The following MAST2 variants were observed in gnomAD, a reference collection of about 807,000 sequenced individuals.
MAST2 encodes microtubule-associated serine/threonine-protein kinase 2.
MAST2 carries 70 observed loss-of-function variants against 147.4 expected under a neutral mutation model. The ratio of observed to expected loss-of-function variants is 0.47; its 90% CI spans 0.39 to 0.58. The LOEUF (loss-of-function observed/expected upper bound fraction) is 0.58. MAST2 is among the 20% of genes least tolerant of loss of function. The pLI, the probability that MAST2 is intolerant of heterozygous loss-of-function variation, is 0.00. For missense variants in MAST2, 2,080 were observed against 2,302.3 expected (o/e 0.90, Z 1.98); for synonymous variants, 869 against 896.8 (o/e 0.97, Z 0.55).
chr1:45,823,629 C>T (rs775676380), intron 1 of MAST2, among the ~76,000 whole-genome samples: 3 of 152,102 alleles, frequency 2.0e-5, no homozygotes, highest in South Asian at 2.1e-4. Flanking sequence ...CTACTGTACC[C>T]GGCCCAGTTA....
At chr1:45,814,113 C>T (rs907812802) in intron 1 of MAST2, among the ~76,000 whole-genome samples, 1 of 152,128 alleles carries the variant, frequency 6.6e-6, no homozygotes, top group Non-Finnish European at 1.5e-5. Context: ...AGTGCATGCA[C>T]AGCACATAAT....
chr1:45,974,639 A>G (rs1177729980), intron 5 of MAST2, among the ~76,000 whole-genome samples: 1 of 152,178 alleles, frequency 6.6e-6, no homozygotes, highest in Non-Finnish European at 1.5e-5. Context: ...AAGTGAGGTG[A>G]TTAGCTGAGC....
chr1:46,023,825 A>T lies in MAST2; in HGVS notation c.1625A>T (p.Lys542Met). ...ACCCGGCAGCGCTTTGCCATGAAGA[A>T]GATCAACAAGCAGAACCTGATCCTA... The part of the protein sequence containing the change: ...KSTRQRFAMK[K>M]INKQNLILRN... Residue 542 changes from lysine (K) to methionine (M), a missense_variant, in exon 15 of 29, where the codon AAG becomes ATG. This residue lies in a region of MAST2 where 569 missense variants were observed against 642.5 expected (regional missense o/e 0.89). Coordinates refer to ENST00000361297, the MANE Select transcript of MAST2 (RefSeq NM_015112.3). This position sits in a 1 kb window ranked among gnomAD's most constrained non-coding sequence, Gnocchi z 4.9. 2 of 1,614,110 alleles carry T rather than the reference A, an allele frequency of 1.2e-6. No individual in the cohort carries two copies. Among genetic ancestry groups the T allele is most frequent in the South Asian group, 2.2e-5 (2 of 91,084 alleles).
intron 10 of MAST2, among the ~76,000 whole-genome samples, chr1:46,017,022 A>G (rs1009980537): frequency 1.3e-5 from 2 of 152,014 alleles, no homozygotes; most frequent in Non-Finnish European, 2.9e-5. Flanking sequence ...ATAACGCTGC[A>G]TATCTACAAC....
chr1:45,855,342 T>TC (rs397708195), intron 3 of MAST2, among the ~76,000 whole-genome samples: 1 of 151,828 alleles, frequency 6.6e-6, no homozygotes, highest in Non-Finnish European at 1.5e-5. Flanking sequence ...GCTTTTTTTT[T>TC]CTATTTGATT....
rs181730181 is a variant in MAST2 at position 45,875,211 on chromosome 1, C to T, written c.469-7153C>T. On this transcript the variant is annotated intron_variant, in intron 3 of 28. Coordinates refer to ENST00000361297, the MANE Select transcript of MAST2 (RefSeq NM_015112.3). ...CTGTAATCCCAGCACTTTGGGCGAC[C>T]GAGGTAGGTGGATCACCTGGGGTCA... Among the ~76,000 whole-genome samples, 538 of 152,226 alleles carry T rather than the reference C, an allele frequency of 3.5e-3. 2 individuals carry two copies. The highest frequency in any genetic ancestry group is 0.012 in the African/African-American group (480 of 41,548).
chr1:45,984,037 C>G (rs932315595), intron 5 of MAST2, among the ~76,000 whole-genome samples: 1 of 152,120 alleles, frequency 6.6e-6, no homozygotes. Flanking sequence ...GCTGGTAAGT[C>G]TATCATTTGA....
At chr1:45,912,018 G>C (rs895381469) in intron 4 of MAST2, among the ~76,000 whole-genome samples, 5 of 151,898 alleles carry the variant, frequency 3.3e-5, no homozygotes, top group African/African-American at 1.2e-4. Flanking sequence ...GGGGCTTTTG[G>C]CAACTGACCC....
At chr1:45,894,305 A>G (rs967846070) in intron 4 of MAST2, among the ~76,000 whole-genome samples, 35 of 152,160 alleles carry the variant, frequency 2.3e-4, no homozygotes, top group African/African-American at 8.0e-4. Context: ...TCTTCAAATA[A>G]TCGTTAGTGG....
At chr1:45,805,684 C>T (rs776540353) in intron 1 of MAST2, among the ~76,000 whole-genome samples, 5 of 152,132 alleles carry the variant, frequency 3.3e-5, no homozygotes, top group Admixed American at 6.5e-5. Flanking sequence ...TGTGTTTTCT[C>T]ATCCTTAGCT....
chr1:45,849,529 TC>T (rs1645553830), intron 3 of MAST2, among the ~76,000 whole-genome samples: 3 of 39,414 alleles, frequency 7.6e-5, no homozygotes, highest in African/African-American at 1.6e-4. Context: ...CCCCCTCTTT[TC>T]TTTTTTTTTT....
At chr1:45,949,551 T>G (rs1487622851) in intron 4 of MAST2, among the ~76,000 whole-genome samples, 1 of 152,060 alleles carries the variant, frequency 6.6e-6, no homozygotes, top group Non-Finnish European at 1.5e-5. Flanking sequence ...ATGGCTGTTG[T>G]TAAAAGTAAA....
In MAST2 at chr1:46,006,379, C is replaced by T. The variant is rs748189401; in HGVS notation, c.886C>T (p.Arg296Cys). 7.4e-6 allele frequency: 12 copies of T among 1,612,938 alleles called. No homozygotes were observed. Among genetic ancestry groups the T allele is most frequent in the East Asian group, 4.5e-5 (2 of 44,862 alleles). Residue 296 changes from arginine to cysteine, a missense_variant, in exon 8 of 29, where the codon CGC becomes TGC. By Grantham distance (180) the Arg-to-Cys change is radical. This residue lies in a region of MAST2 where 569 missense variants were observed against 642.5 expected (regional missense o/e 0.89). Coordinates refer to ENST00000361297, the MANE Select transcript of MAST2 (RefSeq NM_015112.3). Reference protein sequence around the residue: ...EGRQSPAMRPRSRSLSPGRSP... With the variant: ...EGRQSPAMRPCSRSLSPGRSP... ...ACGGCAGTCCCCAGCCATGCGGCCT[C>T]GCTCCCGGAGCCTCAGGTGAGGGTG...
rs1228073130 is a variant in MAST2 at position 46,030,520 on chromosome 1, C to T, written c.2554-87C>T. The stretch of plus-strand genomic sequence containing the variant: ...GGATGGAACCGACTGGTTCAAATTC[C>T]TAGGTTTCCGATGCCAAGGATGCTT... On this transcript the variant is annotated intron_variant, in intron 21 of 28. Coordinates refer to ENST00000361297, the MANE Select transcript of MAST2 (RefSeq NM_015112.3). The T allele has an allele frequency of 1.4e-5, 21 of 1,475,878 alleles. 1 individual carries two copies. The Admixed American group carries it at 3.6e-4, about 26-fold the overall frequency. The allele number at this position is 1,475,878 out of a possible 1,614,324, so 91.4% of individuals were successfully genotyped here. A position where few individuals can be genotyped will look rare whatever the true frequency, so the allele number is the denominator to read the frequency against.
chr1:45,974,910 T>TA (rs1434692082), intron 5 of MAST2, among the ~76,000 whole-genome samples: 1 of 152,182 alleles, frequency 6.6e-6, no homozygotes, highest in Non-Finnish European at 1.5e-5. Context: ...ATAAAATCCT[T>TA]AAAGAGTGAA....
At chr1:45,812,934 C>T (rs1464019677) in intron 1 of MAST2, among the ~76,000 whole-genome samples, 1 of 152,036 alleles carries the variant, frequency 6.6e-6, no homozygotes, top group East Asian at 1.9e-4. Flanking sequence ...ACCTGTATTC[C>T]ACATTCAGCC....
In MAST2 at chr1:45,897,655, A is replaced by G. The variant is rs530506229; in HGVS notation, c.500+15260A>G. Among the ~76,000 whole-genome samples, 99 of 151,930 alleles carry G rather than the reference A, an allele frequency of 6.5e-4. 1 individual carries two copies. Among genetic ancestry groups the G allele is most frequent in the Admixed American group, 2.0e-4 (3 of 15,242 alleles). On this transcript the variant is annotated intron_variant, in intron 4 of 28. Transcript: ENST00000361297. ...AAAACCTGTCTCTACCAAAAATACAAAAAATTAGCTGGGTGTGGTGGCACT... is the reference window on the plus strand; with the variant it reads ...AAAACCTGTCTCTACCAAAAATACAGAAAATTAGCTGGGTGTGGTGGCACT...
chr1:46,023,387 G>GTGTATGC lies in MAST2; in HGVS notation c.1571+72_1571+78dup. On this transcript the variant is annotated intron_variant, in intron 14 of 28. Transcript: ENST00000361297. The surrounding 1 kb of genome is among the most constrained non-coding windows in gnomAD (Gnocchi z 4.9). ...AGCCTTTGATCTCTTCCATGTGAGA[G>GTGTATGC]TGTATGCTGCCCAGTCCTCTGGGCA... The GTGTATGC allele has an allele frequency of 7.1e-7, 1 of 1,416,518 alleles. No homozygotes were observed. Among genetic ancestry groups the GTGTATGC allele is most frequent in the Non-Finnish European group, 1.0e-6 (1 of 1,001,736 alleles). 87.7% of individuals were successfully genotyped at this position (1,416,518 alleles called of 1,614,324 possible). A position where few individuals can be genotyped will look rare whatever the true frequency, so the allele number is the denominator to read the frequency against.
At chr1:45,882,518 A>T (rs528022997) in intron 4 of MAST2, 123 bp downstream of exon 4, 6 of 720,948 alleles carry the variant, frequency 8.3e-6, no homozygotes, top group Admixed American at 2.7e-5. Flanking sequence ...GTGTACTCCT[A>T]TCTGAGCTAG....
Sources: gnomAD v4.1 joint callset for allele counts (sites outside exome capture counted in the v4.1 genomes callset) on GRCh38, gnomAD v4.1.1 for gene constraint, gnomAD v4.1.1 regional missense constraint, Gnocchi (gnomAD v3.1) non-coding constraint, MANE v1.5 for transcripts, NCBI Gene and HGNC (gene_info 2026-07-23, HGNC 2026-07-21) for gene names.